The following ARHGAP24 variants were observed in gnomAD, a reference collection of about 807,000 sequenced individuals.
The protein encoded by ARHGAP24 is Rho GTPase activating protein 24, also known as rho GTPase-activating protein 24.
Under a neutral mutation model 76.4 loss-of-function variants are expected in ARHGAP24, and 50 were observed. That is an observed-to-expected ratio of 0.65 (90% CI 0.52 to 0.83). The LOEUF (loss-of-function observed/expected upper bound fraction) is 0.83, where lower values mean the gene tolerates loss of function less well. Among genes scored for constraint, ARHGAP24 ranks in the 40% least tolerant of loss-of-function variants. ARHGAP24 has a pLI of 0.00. For synonymous variants in ARHGAP24, 345 were observed against 323.3 expected (o/e 1.07, Z -0.72); for missense variants, 930 against 914.2 (o/e 1.02, Z -0.22).
chr4:85,623,572 G>A (rs939710882), intron 2 of ARHGAP24, among the ~76,000 whole-genome samples: 26 of 152,044 alleles, frequency 1.7e-4, no homozygotes, highest in Non-Finnish European at 2.9e-4. Flanking sequence ...TTTGTGATGC[G>A]GGCTCTTTTT....
At chr4:85,918,258 A>G (rs1456409032) in intron 3 of ARHGAP24, among the ~76,000 whole-genome samples, 2 of 151,954 alleles carry the variant, frequency 1.3e-5, no homozygotes, top group African/African-American at 4.8e-5. Flanking sequence ...CATACATAAA[A>G]TTTATATATC....
chr4:85,814,873 G>A (rs987965164), intron 3 of ARHGAP24, among the ~76,000 whole-genome samples: 1 of 152,208 alleles, frequency 6.6e-6, no homozygotes, highest in African/African-American at 2.4e-5. Flanking sequence ...TTCTCCATGA[G>A]AGCCCGACCC....
At chr4:85,967,477 T>A (rs1738686980) in intron 5 of ARHGAP24, among the ~76,000 whole-genome samples, 1 of 152,148 alleles carries the variant, frequency 6.6e-6, no homozygotes, top group Non-Finnish European at 1.5e-5. Context: ...CCTCATGTAA[T>A]TCTCCCTTTA....
chr4:85,889,182 C>T (rs1456875124), intron 3 of ARHGAP24, among the ~76,000 whole-genome samples: 2 of 152,088 alleles, frequency 1.3e-5, no homozygotes, highest in Non-Finnish European at 1.5e-5. Context: ...AAGAAAATGC[C>T]AGATTTTAAA....
intron 3 of ARHGAP24, among the ~76,000 whole-genome samples, chr4:85,819,915 C>T (rs763797000): frequency 9.2e-5 from 14 of 152,154 alleles, no homozygotes; most frequent in Non-Finnish European, 1.6e-4. Flanking sequence ...TTCCTGAGAC[C>T]TCCCCAGAAG....
chr4:85,579,468 C>T (rs1312486571), intron 2 of ARHGAP24, among the ~76,000 whole-genome samples: 2 of 150,094 alleles, frequency 1.3e-5, no homozygotes, highest in Non-Finnish European at 3.0e-5. Flanking sequence ...TATTTCATAG[C>T]CATTTGTTAC....
chr4:85,702,664 A>G (rs1057277683), intron 2 of ARHGAP24, among the ~76,000 whole-genome samples: 1 of 152,202 alleles, frequency 6.6e-6, no homozygotes, highest in African/African-American at 2.4e-5. Flanking sequence ...ACAAAAGTAT[A>G]AATGTTGTCT....
At chr4:85,757,626 T>C (rs1560618521) in intron 3 of ARHGAP24, among the ~76,000 whole-genome samples, 1 of 152,202 alleles carries the variant, frequency 6.6e-6, no homozygotes. Flanking sequence ...TTAATGGACA[T>C]TTGGGTTGGT....
At chr4:85,829,513 A>G (rs1729882925) in intron 3 of ARHGAP24, among the ~76,000 whole-genome samples, 1 of 152,232 alleles carries the variant, frequency 6.6e-6, no homozygotes, top group Admixed American at 6.5e-5. Flanking sequence ...CTGAGCAGAA[A>G]CACCTGACTC....
chr4:85,525,601 T>C (rs368743821), intron 1 of ARHGAP24, among the ~76,000 whole-genome samples: 39 of 152,272 alleles, frequency 2.6e-4, no homozygotes, highest in African/African-American at 8.4e-4. Flanking sequence ...CATGCAATTA[T>C]TGAGCACTCA....
intron 3 of ARHGAP24, among the ~76,000 whole-genome samples, chr4:85,758,736 A>G (rs912380008): frequency 1.1e-4 from 17 of 152,190 alleles, no homozygotes; most frequent in Non-Finnish European, 1.5e-5. Flanking sequence ...GACAAGATGA[A>G]GACAAAAGAG....
intron 3 of ARHGAP24, among the ~76,000 whole-genome samples, chr4:85,879,842 T>C (rs187914872): frequency 1.0e-3 from 154 of 152,266 alleles, no homozygotes; most frequent in African/African-American, 3.7e-3. Flanking sequence ...AGACAGTTTT[T>C]TCATAGATTG....
intron 2 of ARHGAP24, among the ~76,000 whole-genome samples, chr4:85,614,795 C>T (rs1476038233): frequency 6.6e-6 from 1 of 152,000 alleles, no homozygotes; most frequent in Non-Finnish European, 1.5e-5. Context: ...TTGATAATAT[C>T]ATATATTAGG....
chr4:85,864,312 T>C (rs991180931), intron 3 of ARHGAP24, among the ~76,000 whole-genome samples: 4 of 152,092 alleles, frequency 2.6e-5, no homozygotes, highest in African/African-American at 9.7e-5. Context: ...CCTATATCAC[T>C]TGGGGGCTTG....
chr4:85,988,632 T>C (rs954113305), intron 8 of ARHGAP24, among the ~76,000 whole-genome samples: 2 of 150,570 alleles, frequency 1.3e-5, no homozygotes, highest in Non-Finnish European at 3.0e-5. Flanking sequence ...AAAAAGGACA[T>C]AAAAAAATAA....
chr4:85,934,764 C>T (rs1736534002), intron 4 of ARHGAP24, among the ~76,000 whole-genome samples: 1 of 152,198 alleles, frequency 6.6e-6, no homozygotes, highest in Non-Finnish European at 1.5e-5. Flanking sequence ...ATCCTCCCAC[C>T]TCGGCCTCCC....
intron 4 of ARHGAP24, among the ~76,000 whole-genome samples, chr4:85,924,336 T>C (rs561098497): frequency 6.6e-6 from 1 of 152,076 alleles, no homozygotes; most frequent in African/African-American, 2.4e-5. Context: ...AAAGGTGCTA[T>C]GCATAGAACT....
At chr4:85,605,350 T>A (rs1720159696) in intron 2 of ARHGAP24, among the ~76,000 whole-genome samples, 1 of 152,208 alleles carries the variant, frequency 6.6e-6, no homozygotes, top group South Asian at 2.1e-4. Flanking sequence ...AAGTCCACAA[T>A]GTACCTCAAA....
At chr4:85,920,296 C>A (rs986924987) in intron 3 of ARHGAP24, among the ~76,000 whole-genome samples, 3 of 152,046 alleles carry the variant, frequency 2.0e-5, no homozygotes, top group Non-Finnish European at 4.4e-5. Flanking sequence ...CAAAAATTGA[C>A]TAAGTATATA....
Sources: allele counts gnomAD v4.1 joint callset (sites outside exome capture counted in the v4.1 genomes callset), GRCh38; gene constraint gnomAD v4.1.1; transcripts MANE v1.5; gene names NCBI Gene and HGNC (gene_info 2026-07-23, HGNC 2026-07-21).